LCT: variants seen among roughly 807,000 people sequenced by gnomAD.
LCT encodes lactase.
In LCT, 90 loss-of-function variants were observed where a neutral mutation model predicts 173.0. The ratio of observed to expected loss-of-function variants is 0.52; its 90% CI spans 0.44 to 0.62. The LOEUF is 0.62. Ranked by LOEUF, LCT falls within the 20% of genes least tolerant of loss-of-function variation. LCT has a pLI of 0.00. For synonymous variants in LCT, 853 were observed against 957.6 expected (o/e 0.89, Z 2.02); for missense variants, 1,864 against 2,431.4 (o/e 0.77, Z 4.91).
intron 1 of LCT, 35 bp downstream of exon 1, chr2:135,836,495 G>A: frequency 6.2e-7 from 1 of 1,603,438 alleles, no homozygotes; most frequent in Non-Finnish European, 8.5e-7. Context: ...GATGAAGGTT[G>A]CCGAGGGGTC....
chr2:135,816,049 G>A (rs1453849899), intron 6 of LCT, among the ~76,000 whole-genome samples: 1 of 152,186 alleles, frequency 6.6e-6, no homozygotes, highest in Non-Finnish European at 1.5e-5. Context: ...CAGGGAAAAG[G>A]CAGACTAACA....
rs138585948 is a variant in LCT at position 135,835,394 on chromosome 2, G to A, written c.640+1136C>T. The stretch of plus-strand genomic sequence containing the variant: ...GGCCTCCTAACGTGCTGGGATTATA[G>A]GCATGAGCCACCATGCCTGGCTCAA... On this transcript the variant is annotated intron_variant, in intron 1 of 16. Transcript: ENST00000264162. Among the ~76,000 whole-genome samples the A allele has an allele frequency of 5.3e-3, 793 of 149,552 alleles. 3 individuals are homozygous for A. The highest frequency in any genetic ancestry group is 0.019 in the African/African-American group (757 of 40,832).
chr2:135,801,089 C>G (rs1559550977), intron 11 of LCT, among the ~76,000 whole-genome samples: 1 of 152,216 alleles, frequency 6.6e-6, no homozygotes, highest in Non-Finnish European at 1.5e-5. Flanking sequence ...CCCACAGCAG[C>G]ACTGTGTCTG....
rs1017699437 is a variant in LCT, at chr2:135,836,284, G to A, written c.640+246C>T. On this transcript the variant is annotated intron_variant, in intron 1 of 16. Transcript: ENST00000264162. Reference sequence around the variant, plus strand: ...TCCGCCCACCTCGGCCTCCCAAAGTGCTAGGATTACAGGCGTGAGCCTCAA... The same window carrying A: ...TCCGCCCACCTCGGCCTCCCAAAGTACTAGGATTACAGGCGTGAGCCTCAA... Among the ~76,000 whole-genome samples the A allele has an allele frequency of 3.9e-4, 59 of 152,070 alleles. 1 individual carries two copies. The highest frequency in any genetic ancestry group is 1.4e-3 in the African/African-American group (59 of 41,390).
At chr2:135,811,089 C>G (rs2077731116) in intron 7 of LCT, among the ~76,000 whole-genome samples, 1 of 151,546 alleles carries the variant, frequency 6.6e-6, no homozygotes, top group African/African-American at 2.4e-5. Flanking sequence ...ACCTGTAGTC[C>G]CAGCCACTTG....
intron 1 of LCT, among the ~76,000 whole-genome samples, chr2:135,835,976 G>GTGTATATATA (rs1553436126): frequency 1.9e-4 from 15 of 80,450 alleles, no homozygotes; most frequent in Admixed American, 4.8e-4. Context: ...ATACATGTGT[G>GTGTATATATA]TATATATATA....
rs149425549 is a variant in LCT at position 135,809,890 on chromosome 2, G to A, written c.2457C>T (p.His819=). The A allele has an allele frequency of 2.4e-3, 3,801 of 1,614,202 alleles. 7 individuals carry two copies. The highest frequency in any genetic ancestry group is 2.8e-3 in the Non-Finnish European group (3,265 of 1,179,998). ...ACTTGCTGCTGTCGCTGAAGTTGAC[G>A]TGGTGCAGGCCAAACCGCTGGCTGT... ...SGYSQRFGLH[H]VNFSDSSKSR... The change falls in exon 8 of 17, where the codon CAC becomes CAT. Residue 819 remains histidine, a synonymous_variant. Transcript: ENST00000264162. This position sits in a 1 kb window ranked among gnomAD's most constrained non-coding sequence, Gnocchi z 5.5.
intron 2 of LCT, among the ~76,000 whole-genome samples, chr2:135,832,737 G>T (rs573804179): frequency 6.6e-5 from 10 of 151,920 alleles, no homozygotes; most frequent in Non-Finnish European, 1.5e-4. Context: ...TCCCATCTCC[G>T]CCTCCCAAAG....
At chr2:135,807,635 C>T (rs1185022385) in intron 8 of LCT, among the ~76,000 whole-genome samples, 4 of 152,090 alleles carry the variant, frequency 2.6e-5, no homozygotes, top group Non-Finnish European at 5.9e-5. Context: ...AAGAAACATG[C>T]CCCAAATTCA....
chr2:135,794,618 G>C (rs3213890), intron 14 of LCT, 23 bp downstream of exon 14: 1 of 1,612,856 alleles, frequency 6.2e-7, no homozygotes, highest in Non-Finnish European at 8.5e-7. Flanking sequence ...AGATGGCTCC[G>C]GGCTCCCTGT....
intron 12 of LCT, among the ~76,000 whole-genome samples, chr2:135,799,217 C>G (rs2077606169): frequency 6.6e-6 from 1 of 152,042 alleles, no homozygotes; most frequent in African/African-American, 2.4e-5. Flanking sequence ...TTTGGCAAAC[C>G]AAGGCCCATG....
intron 13 of LCT, among the ~76,000 whole-genome samples, chr2:135,797,822 T>A (rs2077594636): frequency 6.6e-6 from 1 of 152,152 alleles, no homozygotes; most frequent in South Asian, 2.1e-4. Flanking sequence ...TGGAACAGAT[T>A]TCCTGGCTGT....
At chr2:135,827,061 C>T (rs1280368392) in intron 3 of LCT, among the ~76,000 whole-genome samples, 1 of 152,174 alleles carries the variant, frequency 6.6e-6, no homozygotes, top group Admixed American at 6.5e-5. Flanking sequence ...TCACTGCAAC[C>T]TCCACCTCCC....
chr2:135,803,923 G>T lies in LCT; in HGVS notation c.4663+7C>A. The T allele has an allele frequency of 1.9e-6, 3 of 1,611,818 alleles. No homozygotes were observed. The highest frequency in any genetic ancestry group is 2.2e-5 in the South Asian group (2 of 90,644). On this transcript the variant is annotated splice_region_variant and intron_variant, in intron 11 of 16. Coordinates refer to ENST00000264162, the MANE Select transcript of LCT (RefSeq NM_002299.4). ...CAAAGAGCCTATGAGCCAGGGCTGG[G>T]ACTTACCTGGAGCTGCTGTTCCGTA...
Position 135,788,329 on chromosome 2 carries a change from A to G in LCT, c.5779T>C (p.Phe1927Leu), listed in dbSNP as rs1368048202. 6.2e-7 allele frequency: 1 copy of G among 1,612,266 alleles called. No individual in the cohort carries two copies. The highest frequency in any genetic ancestry group is 8.5e-7 in the Non-Finnish European group (1 of 1,178,716). ...SQQELSPVSSF is the reference protein window; with the variant it reads ...SQQELSPVSSL ...GAACTTGAGGTGGTAACTCATCAGA[A>G]TGAAGACACCGGGCTCAATTCCTGT... Residue 1927 changes from phenylalanine to leucine, a missense_variant, in exon 17 of 17, where the codon TTC becomes CTC. Phe to Leu is a conservative substitution (Grantham distance 22, BLOSUM62 0). Coordinates refer to ENST00000264162, the MANE Select transcript of LCT (RefSeq NM_002299.4).
intron 14 of LCT, among the ~76,000 whole-genome samples, chr2:135,791,608 G>A (rs1267741014): frequency 6.6e-6 from 1 of 152,232 alleles, no homozygotes; most frequent in Non-Finnish European, 1.5e-5. Flanking sequence ...ATCTGACTCA[G>A]CTGAATTGAA....
At chr2:135,789,022 C>T (rs2077513161) in intron 16 of LCT, among the ~76,000 whole-genome samples, 1 of 152,164 alleles carries the variant, frequency 6.6e-6, no homozygotes. Flanking sequence ...CACATGGGGT[C>T]AGGTGTTGAA....
At chr2:135,826,470 G>A (rs891088511) in intron 3 of LCT, among the ~76,000 whole-genome samples, 11 of 151,980 alleles carry the variant, frequency 7.2e-5, no homozygotes, top group African/African-American at 2.7e-4. Context: ...GGAGGCTGAG[G>A]CAGGAGAATC....
intron 14 of LCT, among the ~76,000 whole-genome samples, chr2:135,792,081 G>A (rs1489425444): frequency 6.6e-6 from 1 of 152,230 alleles, no homozygotes; most frequent in Non-Finnish European, 1.5e-5. Context: ...CAAAGTGTGA[G>A]AAGGGGAAAG....
Sources: gnomAD v4.1 joint callset for allele counts (sites outside exome capture counted in the v4.1 genomes callset) on GRCh38, gnomAD v4.1.1 for gene constraint, Gnocchi (gnomAD v3.1) non-coding constraint, MANE v1.5 for transcripts, NCBI Gene and HGNC (gene_info 2026-07-23, HGNC 2026-07-21) for gene names.